The following EPB41L3 variants were observed in gnomAD, a reference collection of about 807,000 sequenced individuals.
EPB41L3 encodes the protein erythrocyte membrane protein band 4.1 like 3, also known as band 4.1-like protein 3.
EPB41L3 carries 57 observed loss-of-function variants against 127.1 expected under a neutral mutation model. The ratio of observed to expected loss-of-function variants is 0.45; its 90% CI spans 0.36 to 0.56. The LOEUF (loss-of-function observed/expected upper bound fraction) is 0.56, where lower values mean the gene tolerates loss of function less well. Ranked by LOEUF, EPB41L3 falls within the 20% of genes least tolerant of loss-of-function variation. The pLI, the probability that EPB41L3 is intolerant of heterozygous loss-of-function variation, is 0.00. For synonymous variants in EPB41L3, 572 were observed against 549.5 expected (o/e 1.04, Z -0.57); for missense variants, 1,273 against 1,372.2 (o/e 0.93, Z 1.14).
At chr18:5,582,696 C>G (rs1042732783) in intron 3 of EPB41L3, among the ~76,000 whole-genome samples, 1 of 152,018 alleles carries the variant, frequency 6.6e-6, no homozygotes, top group Non-Finnish European at 1.5e-5. Context: ...AAACTGAGTC[C>G]CCTATGGCTA....
intron 3 of EPB41L3, among the ~76,000 whole-genome samples, chr18:5,467,872 G>A (rs570801937): frequency 3.3e-5 from 5 of 152,174 alleles, no homozygotes; most frequent in Admixed American, 1.3e-4. Context: ...CCACAGAGCC[G>A]GCAGGAGCCA....
intron 4 of EPB41L3, 31 bp downstream of exon 4, chr18:5,445,109 A>T (rs1428100046): frequency 3.2e-6 from 5 of 1,559,858 alleles, no homozygotes; most frequent in Middle Eastern, 3.4e-4. Flanking sequence ...AGTTCAAGCC[A>T]TCTTATTTTG....
Position 5,445,237 on chromosome 18 carries a change from G to C in EPB41L3, c.389C>G (p.Ser130Cys). The change falls in exon 4 of 23, where the codon TCC becomes TGC. Residue 130 changes from serine (S) to cysteine (C), a missense_variant. Coordinates refer to ENST00000341928, the MANE Select transcript of EPB41L3 (RefSeq NM_012307.5). ...SEYTCDVEKRSRGQVLFDKVC... is the reference protein window; with the variant it reads ...SEYTCDVEKRCRGQVLFDKVC... ...TTTATCAAACAGCACTTGTCCTCTGGAGCGTTTCTACAGAAAACAGAATAG... is the reference window on the plus strand; with the variant it reads ...TTTATCAAACAGCACTTGTCCTCTGCAGCGTTTCTACAGAAAACAGAATAG... 6.2e-7 allele frequency: 1 copy of C among 1,613,204 alleles called. No homozygotes were observed. The highest frequency in any genetic ancestry group is 8.5e-7 in the Non-Finnish European group (1 of 1,179,500).
chr18:5,630,624 A>C (rs995384061), upstream of EPB41L3: 1 of 451,866 alleles, frequency 2.2e-6, no homozygotes, highest in Non-Finnish European at 4.4e-6. Flanking sequence ...CGGTGGCGGC[A>C]CCTCCAAGTT....
intron 2 of EPB41L3, among the ~76,000 whole-genome samples, chr18:5,483,816 T>C (rs1410564053): frequency 6.6e-6 from 1 of 151,644 alleles, no homozygotes; most frequent in Non-Finnish European, 1.5e-5. Context: ...TTCCCAAGTA[T>C]ATAAAACATT....
intron 3 of EPB41L3, among the ~76,000 whole-genome samples, chr18:5,597,225 C>G (rs1168740624): frequency 6.6e-6 from 1 of 152,158 alleles, no homozygotes; most frequent in Non-Finnish European, 1.5e-5. Context: ...GGTTTTTGCT[C>G]CTTAGTCATT....
intron 1 of EPB41L3, among the ~76,000 whole-genome samples, chr18:5,518,324 G>GCCACCCA (rs530421876): frequency 7.2e-4 from 109 of 151,816 alleles, no homozygotes; most frequent in African/African-American, 2.6e-3. Context: ...TCCTCAGACC[G>GCCACCCA]CCACCCACCT....
chr18:5,545,873 C>CTGTGTGTG (rs36213569), upstream of EPB41L3, among the ~76,000 whole-genome samples: 31 of 146,974 alleles, frequency 2.1e-4, no homozygotes, highest in Middle Eastern at 3.5e-3. Context: ...CTGTATGACT[C>CTGTGTGTG]TGTGTGTGTG....
In EPB41L3 at chr18:5,421,311, A is replaced by C. The variant is rs369685834; in HGVS notation, c.1340-1434T>G. 2.0e-5 allele frequency among the ~76,000 whole-genome samples: 3 copies of C among 152,272 alleles called. No individual in the cohort carries two copies. In the East Asian group the frequency reaches 5.8e-4, roughly 29 times the overall value. On this transcript the variant is annotated intron_variant, in intron 11 of 22. Coordinates refer to ENST00000341928, the MANE Select transcript of EPB41L3 (RefSeq NM_012307.5). ...AACAAAGTGGATGATATTCAGGAAA[A>C]AAAAAGTGCGATTCTACAAAGTTCC...
chr18:5,544,035 C>G (rs1005149809), upstream of EPB41L3: 3 of 985,444 alleles, frequency 3.0e-6, no homozygotes, highest in Admixed American at 1.2e-4. Context: ...GGCTGCTCGC[C>G]GCTGTTCCCC....
At chr18:5,463,278 A>C (rs1424275219) in intron 3 of EPB41L3, among the ~76,000 whole-genome samples, 2 of 152,294 alleles carry the variant, frequency 1.3e-5, no homozygotes, top group South Asian at 4.1e-4. Context: ...CCCTACATAA[A>C]GCTCCTCAGA....
At chr18:5,422,241 A>G (rs2145161897) in intron 11 of EPB41L3, among the ~76,000 whole-genome samples, 1 of 152,248 alleles carries the variant, frequency 6.6e-6, no homozygotes, top group South Asian at 2.1e-4. Context: ...CGCTAGTAAC[A>G]TACATAATAT....
intron 3 of EPB41L3, among the ~76,000 whole-genome samples, chr18:5,460,523 C>T (rs2083815630): frequency 6.6e-6 from 1 of 152,138 alleles, no homozygotes; most frequent in South Asian, 2.1e-4. Flanking sequence ...CTAAACATCA[C>T]AACAAGTTGC....
intron 3 of EPB41L3, among the ~76,000 whole-genome samples, 190 bp from the exon 4 acceptor site, chr18:5,445,434 G>T (rs186152204): frequency 3.9e-4 from 60 of 152,274 alleles, no homozygotes; most frequent in African/African-American, 1.3e-3. Context: ...GAGGGCGAAG[G>T]CTTCAACCTA....
chr18:5,599,352 C>G (rs1184046481), intron 3 of EPB41L3, among the ~76,000 whole-genome samples: 3 of 152,088 alleles, frequency 2.0e-5, no homozygotes, highest in African/African-American at 7.2e-5. Context: ...CTTAAGGAAA[C>G]GTCTCAATTC....
intron 3 of EPB41L3, among the ~76,000 whole-genome samples, chr18:5,580,056 T>A (rs995645414): frequency 2.6e-4 from 39 of 152,132 alleles, no homozygotes; most frequent in Non-Finnish European, 5.6e-4. Context: ...TTCCACAAGG[T>A]CATACAATTA....
At chr18:5,612,986 C>T (rs1000603984) in intron 2 of EPB41L3, among the ~76,000 whole-genome samples, 6 of 152,274 alleles carry the variant, frequency 3.9e-5, no homozygotes, top group African/African-American at 1.2e-4. Flanking sequence ...GGTGATTATC[C>T]GCCTCAGCCT....
At chr18:5,488,940 A>C in intron 2 of EPB41L3, 61 bp downstream of exon 2, 1 of 1,507,260 alleles carries the variant, frequency 6.6e-7, no homozygotes, top group Non-Finnish European at 8.8e-7. Flanking sequence ...GACCAAGGTT[A>C]AAGCCGATCC....
At chr18:5,415,734 C>G in intron 13 of EPB41L3, 84 bp downstream of exon 13, 1 of 1,370,976 alleles carries the variant, frequency 7.3e-7, no homozygotes, top group Non-Finnish European at 1.0e-6. Flanking sequence ...AAAGTAGGAC[C>G]ACTATGGCAG....
Sources: allele counts gnomAD v4.1 joint callset (sites outside exome capture counted in the v4.1 genomes callset), GRCh38; gene constraint gnomAD v4.1.1; transcripts MANE v1.5; gene names NCBI Gene and HGNC (gene_info 2026-07-23, HGNC 2026-07-21).